DST: variants seen among roughly 807,000 people sequenced by gnomAD.
DST encodes bullous pemphigoid antigen.
In DST, 253 loss-of-function variants were observed where a neutral mutation model predicts 875.2. The observed-to-expected ratio is 0.29, with a 90% CI of 0.26 to 0.32. DST has a LOEUF of 0.32. Among genes scored for constraint, DST ranks in the 10% least tolerant of loss-of-function variants. DST has a pLI of 1.00. For missense variants in DST, 8,287 were observed against 9,111.6 expected (o/e 0.91, Z 3.68); for synonymous variants, 3,124 against 3,197.1 (o/e 0.98, Z 0.77).
intron 100 of DST, chr6:56,464,196 G>A: frequency 6.8e-6 from 2 of 294,366 alleles, no homozygotes; most frequent in Non-Finnish European, 1.3e-5. Context: ...TAAAGAGAAT[G>A]CCAGTATTTC....
intron 69 of DST, among the ~76,000 whole-genome samples, chr6:56,518,235 GATC>G (rs1394559528): frequency 1.3e-5 from 2 of 151,988 alleles, no homozygotes; most frequent in Non-Finnish European, 2.9e-5. Flanking sequence ...TTATTTTCCT[GATC>G]ATAACAGTAA....
intron 4 of DST, 30 bp downstream of exon 4, chr6:56,851,367 C>T (rs542511789): frequency 1.3e-6 from 2 of 1,597,596 alleles, no homozygotes; most frequent in African/African-American, 1.3e-5. Context: ...TCTCTTCCCC[C>T]ACTCCATCCC....
intron 9 of DST, among the ~76,000 whole-genome samples, chr6:56,680,055 T>C (rs1213713648): frequency 6.6e-6 from 1 of 152,072 alleles, no homozygotes; most frequent in African/African-American, 2.4e-5. Context: ...ATCTCTTCCA[T>C]CCTAAAATAA....
chr6:56,727,958 T>A (rs74609227), intron 5 of DST, among the ~76,000 whole-genome samples: 1,879 of 152,288 alleles, frequency 0.012, 48 homozygotes, highest in African/African-American at 0.042. Context: ...GTTTTCTCAC[T>A]GATAAAATAA....
At chr6:56,914,503 C>T (rs1800032330) in intron 2 of DST, among the ~76,000 whole-genome samples, 1 of 152,182 alleles carries the variant, frequency 6.6e-6, no homozygotes. Context: ...AACTCTGAAA[C>T]TTCCTGTGGG....
intron 2 of DST, among the ~76,000 whole-genome samples, chr6:56,919,704 T>C (rs1257345533): frequency 2.0e-5 from 3 of 152,196 alleles, no homozygotes; most frequent in Non-Finnish European, 1.5e-5. Flanking sequence ...CCCAGCACTT[T>C]GGGAGGCCAA....
At chr6:56,677,018 G>T (rs1211332114) in intron 9 of DST, among the ~76,000 whole-genome samples, 1 of 152,126 alleles carries the variant, frequency 6.6e-6, no homozygotes, top group East Asian at 1.9e-4. Context: ...TTCTAAAAGA[G>T]TAGATTTTAA....
At chr6:56,692,489 A>G in intron 9 of DST, 1 of 1,289,562 alleles carries the variant, frequency 7.8e-7, no homozygotes, top group Non-Finnish European at 1.0e-6. Context: ...TGAGGGCAAA[A>G]TCTCTCAGTG....
At chr6:56,567,531 TAA>T (rs2097700731) in intron 55 of DST, among the ~76,000 whole-genome samples, 1 of 142,774 alleles carries the variant, frequency 7.0e-6, no homozygotes, top group African/African-American at 2.6e-5. Context: ...CTAAAATAAA[TAA>T]AGCACAGTAG....
intron 9 of DST, among the ~76,000 whole-genome samples, chr6:56,676,348 G>C (rs1018487698): frequency 6.6e-6 from 1 of 152,190 alleles, no homozygotes; most frequent in African/African-American, 2.4e-5. Flanking sequence ...GATTACAGGC[G>C]TGAGCCACTG....
intron 4 of DST, among the ~76,000 whole-genome samples, chr6:56,824,027 CCT>C (rs1191024902): frequency 3.3e-5 from 5 of 151,744 alleles, no homozygotes; most frequent in African/African-American, 1.2e-4. Flanking sequence ...TCTCCCTCTC[CCT>C]CTCTTTCCAC....
chr6:56,804,442 T>C (rs1424018432), intron 4 of DST, among the ~76,000 whole-genome samples: 3 of 152,316 alleles, frequency 2.0e-5, no homozygotes, highest in Non-Finnish European at 4.4e-5. Flanking sequence ...TACTATATAC[T>C]GATTTAAAGA....
At position 56,639,716 on chromosome 6, in the gene DST, T is replaced by C; in HGVS notation, c.2677A>G (p.Ser893Gly). ...TYAEKLHRLE[S>G]QYAKLLNTSR... is the part of the protein sequence containing the mutation. ...CTTACCAAGAGTTTTGCATACTGAC[T>C]CTCTAATCTGTGCAACTTTTCTGCA... Residue 893 changes from serine (S) to glycine (G), a missense_variant, in exon 20 of 104, where the codon AGT (serine) becomes GGT (glycine). This residue lies in a region of DST where 1,160 missense variants were observed against 1,424.3 expected (regional missense o/e 0.81). Coordinates refer to ENST00000680361, the MANE Select transcript of DST (RefSeq NM_001374736.1). 1 of 1,613,624 alleles carries C rather than the reference T, an allele frequency of 6.2e-7. No individual in the cohort carries two copies. The highest frequency in any genetic ancestry group is 8.5e-7 in the Non-Finnish European group (1 of 1,179,784).
At position 56,607,640 on chromosome 6, in the gene DST, G is replaced by A; in HGVS notation, c.6988C>T (p.Pro2330Ser). 6.2e-7 allele frequency: 1 copy of A among 1,613,238 alleles called. No homozygotes were observed. The highest frequency in any genetic ancestry group is 8.5e-7 in the Non-Finnish European group (1 of 1,179,604). ...GKLASTISID[P>S]KVNSSPSVCV... is the part of the protein sequence containing the mutation. ...ACACTGGGTGAACTGTTAACTTTAG[G>A]ATCAATTGATATTGTACTTGCCAGT... Residue 2330 changes from proline to serine, a missense_variant, in exon 40 of 104, where the codon CCT (proline) becomes TCT (serine). Pro to Ser is a moderately conservative substitution (Grantham distance 74). Transcript: ENST00000680361.
In DST at chr6:56,459,255, G is replaced by A. The variant is rs2152366458; in HGVS notation, c.23207C>T (p.Thr7736Ile). 6.2e-7 allele frequency: 1 copy of A among 1,612,234 alleles called. No homozygotes were observed. The highest frequency in any genetic ancestry group is 8.5e-7 in the Non-Finnish European group (1 of 1,179,050). ...VRTQFADSKK[T>I]PSRPGSRAGS... Reference sequence around the variant, plus strand: ...AGCTCGACTTCCTGGTCGGCTGGGAGTCTTCTTGGAATCTGAGGAAAGAAG... The same window carrying A: ...AGCTCGACTTCCTGGTCGGCTGGGAATCTTCTTGGAATCTGAGGAAAGAAG... Residue 7736 changes from threonine to isoleucine, a missense_variant, in exon 104 of 104, where the codon ACT becomes ATT. Physicochemically the swap from Thr to Ile is moderately conservative, Grantham distance 89. This residue lies in a region of DST where 240 missense variants were observed against 237.3 expected (regional missense o/e 1.01). Coordinates refer to ENST00000680361, the MANE Select transcript of DST (RefSeq NM_001374736.1).
At chr6:56,802,198 G>A (rs2099747938) in intron 4 of DST, among the ~76,000 whole-genome samples, 1 of 151,928 alleles carries the variant, frequency 6.6e-6, no homozygotes, top group Admixed American at 6.6e-5. Flanking sequence ...ATGATGACAT[G>A]GAATTAACAA....
intron 53 of DST, among the ~76,000 whole-genome samples, chr6:56,571,577 A>G (rs1029863704): frequency 2.6e-5 from 4 of 152,218 alleles, no homozygotes. Context: ...AAGGCCCTGT[A>G]CAGCTTTTTA....
At position 56,622,361 on chromosome 6, in the gene DST, G is replaced by A. The variant is rs1300121130; in HGVS notation, c.4929+2169C>T. ...CAAGGCGGGTGGATCATGAGGTCAG[G>A]AGTTCAAGACCAGCTTGGCCAACAT... On this transcript the variant is annotated intron_variant, in intron 36 of 103. Transcript: ENST00000680361. Among the ~76,000 whole-genome samples the A allele has an allele frequency of 2.0e-5, 3 of 152,132 alleles. No homozygotes were observed. The East Asian group carries it at 5.8e-4, about 29-fold the overall frequency.
Position 56,459,105 on chromosome 6 carries a change from G to T in DST, c.23357C>A (p.Pro7786His). 1.2e-6 allele frequency: 2 copies of T among 1,613,974 alleles called. No homozygotes were observed. Among genetic ancestry groups the T allele is most frequent in the Non-Finnish European group, 1.7e-6 (2 of 1,179,882 alleles). The change falls in exon 104 of 104, where the codon CCC becomes CAC. Residue 7786 changes from proline to histidine, a missense_variant. This residue lies in a region of DST where 240 missense variants were observed against 237.3 expected (regional missense o/e 1.01). Coordinates refer to ENST00000680361, the MANE Select transcript of DST (RefSeq NM_001374736.1). ...TGTGGATGGCCGAGAACCTGCTCGGGGTGTAGGTCTGTGTGTCTGGGGGAC... is the reference window on the plus strand; with the variant it reads ...TGTGGATGGCCGAGAACCTGCTCGGTGTGTAGGTCTGTGTGTCTGGGGGAC... Reference protein sequence around the residue: ...ETVPQTHRPTPRAGSRPSTAK... With the variant: ...ETVPQTHRPTHRAGSRPSTAK...
Sources: gnomAD v4.1 joint callset for allele counts (sites outside exome capture counted in the v4.1 genomes callset) on GRCh38, gnomAD v4.1.1 for gene constraint, gnomAD v4.1.1 regional missense constraint, MANE v1.5 for transcripts, NCBI Gene and HGNC (gene_info 2026-07-23, HGNC 2026-07-21) for gene names.